The following TECR variants were observed in gnomAD, a reference collection of about 807,000 sequenced individuals.
TECR encodes the protein trans-2,3-enoyl-CoA reductase, also known as very-long-chain enoyl-CoA reductase.
A neutral mutation model predicts 50.6 loss-of-function variants in TECR; 19 were observed. The ratio of observed to expected loss-of-function variants is 0.38; its 90% CI spans 0.26 to 0.55. The LOEUF is 0.55. Ranked by LOEUF, TECR falls within the 20% of genes least tolerant of loss-of-function variation. TECR has a pLI of 0.79. For missense variants in TECR, 313 were observed against 408.3 expected (o/e 0.77, Z 2.01); for synonymous variants, 168 against 163.5 (o/e 1.03, Z -0.21).
At chr19:14,543,034 C>A (rs963478388) in intron 1 of TECR, among the ~76,000 whole-genome samples, 5 of 146,936 alleles carry the variant, frequency 3.4e-5, no homozygotes, top group Non-Finnish European at 7.5e-5. Context: ...GGATCACTGG[C>A]CAGAGCGTGG....
chr19:14,535,582 A>ATG (rs1568396691), intron 1 of TECR, among the ~76,000 whole-genome samples: 2 of 38,824 alleles, frequency 5.2e-5, no homozygotes, highest in African/African-American at 7.9e-5. Flanking sequence ...ATATATATAT[A>ATG]TATATATGTA....
chr19:14,565,966 C>T lies in TECR; in HGVS notation c.*95C>T, dbSNP rs1449643510. The T allele has an allele frequency of 1.3e-6, 2 of 1,549,780 alleles. No homozygotes were observed. The highest frequency in any genetic ancestry group is 1.7e-6 in the Non-Finnish European group (2 of 1,147,772). On this transcript the variant is annotated 3_prime_UTR_variant, in exon 13 of 13. Transcript: ENST00000215567. Reference sequence around the variant, plus strand: ...TCTCCAGCACCCGGAATAAAGCCCGCCTGCCCCAGTCGGACTCGGGCTCTG... The same window carrying T: ...TCTCCAGCACCCGGAATAAAGCCCGTCTGCCCCAGTCGGACTCGGGCTCTG...
At chr19:14,552,941 G>C (rs4926128) in intron 1 of TECR, among the ~76,000 whole-genome samples, 150,930 of 152,054 alleles carry the variant, frequency 0.99, 74,908 homozygotes, top group Middle Eastern at 1. Context: ...TGAAACGGGC[G>C]AGATCAGCGT....
chr19:14,535,586 A>ATATATATGTATG (rs2072867981), intron 1 of TECR, among the ~76,000 whole-genome samples: 1 of 41,074 alleles, frequency 2.4e-5, no homozygotes, highest in Admixed American at 2.8e-4. Flanking sequence ...ATATATATAT[A>ATATATATGTATG]TATGTATGTA....
At chr19:14,561,963 A>C in intron 1 of TECR, 2 of 202,728 alleles carry the variant, frequency 9.9e-6, no homozygotes, top group Non-Finnish European at 2.0e-5. Context: ...TCCTCTAGCC[A>C]CTGGCTCTGT....
In TECR at chr19:14,543,728, G is replaced by A. The variant is rs1488447337; in HGVS notation, c.15+14017G>A. Among the ~76,000 whole-genome samples, 2 of 148,742 alleles carry A rather than the reference G, an allele frequency of 1.3e-5. 1 individual carries two copies. Among genetic ancestry groups the A allele is most frequent in the South Asian group, 4.2e-4 (2 of 4,706 alleles). On this transcript the variant is annotated intron_variant, in intron 1 of 12. Coordinates refer to ENST00000215567, the MANE Select transcript of TECR (RefSeq NM_138501.6). ...GCTGGGATTACAGGCGTGAGCCACC[G>A]CGCCCGGCTATATATATATTTTTAA...
At chr19:14,529,812 G>GGAA in intron 1 of TECR, 101 bp downstream of exon 1, 1 of 1,561,256 alleles carries the variant, frequency 6.4e-7, no homozygotes, top group African/African-American at 1.4e-5. Flanking sequence ...GTGCCCCGAA[G>GGAA]GAAGAGCCAG....
Position 14,551,029 on chromosome 19 carries a change from A to G in TECR, c.16-11496A>G, listed in dbSNP as rs1269666224. Among the ~76,000 whole-genome samples the G allele has an allele frequency of 2.0e-5, 3 of 151,974 alleles. No individual in the cohort carries two copies. The East Asian group carries it at 5.8e-4, about 30-fold the overall frequency. On this transcript the variant is annotated intron_variant, in intron 1 of 12. Transcript: ENST00000215567. ...TTATTAAGTCCACCTTAAATTCAGG[A>G]TAATGTCATCTTAAGATCCTTAATT...
At chr19:14,540,675 A>G (rs2073067968) in intron 1 of TECR, among the ~76,000 whole-genome samples, 5 of 151,930 alleles carry the variant, frequency 3.3e-5, no homozygotes. Flanking sequence ...TACAGGCATG[A>G]GCCACCGTGC....
chr19:14,533,132 A>G (rs2072735266), intron 1 of TECR, among the ~76,000 whole-genome samples: 2 of 142,464 alleles, frequency 1.4e-5, no homozygotes, highest in South Asian at 2.2e-4. Flanking sequence ...AATAAAGGAT[A>G]TATTTCAGCT....
chr19:14,549,260 T>TG lies in TECR; in HGVS notation c.16-13261dup, dbSNP rs566176092. The stretch of plus-strand genomic sequence containing the variant: ...ATGGAGTCTCACTCTGTCGCCAGGC[T>TG]GGGGTGCAGTGGTGCGATCTCAGCT... On this transcript the variant is annotated intron_variant, in intron 1 of 12. Coordinates refer to ENST00000215567, the MANE Select transcript of TECR (RefSeq NM_138501.6). Among the ~76,000 whole-genome samples, 5 of 142,178 alleles carry TG rather than the reference T, an allele frequency of 3.5e-5. No homozygotes were observed. The South Asian group carries it at 1.2e-3, about 34-fold the overall frequency. 93.3% of individuals were successfully genotyped at this position (142,178 alleles called of 152,430 possible). A position where few individuals can be genotyped will look rare whatever the true frequency, so the allele number is the denominator to read the frequency against.
intron 1 of TECR, among the ~76,000 whole-genome samples, chr19:14,556,235 T>G (rs2073716666): frequency 6.6e-6 from 1 of 152,112 alleles, no homozygotes; most frequent in South Asian, 2.1e-4. Flanking sequence ...TGGCACTTAC[T>G]GTTCCCTCTG....
At position 14,564,853 on chromosome 19, in the gene TECR, C is replaced by T. The variant is rs2074026577; in HGVS notation, c.557C>T (p.Pro186Leu). The change falls in exon 8 of 13, where the codon CCC (proline) becomes CTC (leucine). Residue 186 changes from proline to leucine, a missense_variant. By Grantham distance (98) the Pro-to-Leu change is moderately conservative. Transcript: ENST00000215567. ...TACATCAATCACCCTCTCTACACTC[C>T]CCCTAGTAAGTGGCCTCAGACCATC... Reference protein sequence around the residue: ...AYYINHPLYTPPTYGAQQVKL... With the variant: ...AYYINHPLYTLPTYGAQQVKL... 2 of 1,613,876 alleles carry T rather than the reference C, an allele frequency of 1.2e-6. No individual in the cohort carries two copies. Among genetic ancestry groups the T allele is most frequent in the African/African-American group, 1.3e-5 (1 of 74,906 alleles).
At chr19:14,543,385 G>A (rs539329985) in intron 1 of TECR, among the ~76,000 whole-genome samples, 51 of 69,256 alleles carry the variant, frequency 7.4e-4, no homozygotes, top group African/African-American at 2.7e-3. Context: ...ACTTGTTTCA[G>A]AGAATATATA....
In TECR at chr19:14,539,140, A is replaced by ATT. The variant is rs57801378; in HGVS notation, c.15+9455_15+9456dup. On this transcript the variant is annotated intron_variant, in intron 1 of 12. Transcript: ENST00000215567. ...AGGCGCCCACCACCACGCCCGGCTAATTTTTTTTTTTTTTTTTTTTTTTTT... is the reference window on the plus strand; with the variant it reads ...AGGCGCCCACCACCACGCCCGGCTAATTTTTTTTTTTTTTTTTTTTTTTTTTT... Among the ~76,000 whole-genome samples, 72 of 92,542 alleles carry ATT rather than the reference A, an allele frequency of 7.8e-4. 2 individuals carry two copies. The highest frequency in any genetic ancestry group is 2.1e-3 in the East Asian group (7 of 3,372). The allele number at this position is 92,542 out of a possible 152,430, so 60.7% of individuals were successfully genotyped here.
chr19:14,562,396 A>C lies in TECR; in HGVS notation c.16-129A>C, dbSNP rs1043859787. The C allele has an allele frequency of 1.5e-5, 14 of 951,336 alleles. No individual in the cohort carries two copies. The East Asian group carries it at 3.6e-4, about 24-fold the overall frequency. The allele number at this position is 951,336 out of a possible 1,614,324, so 58.9% of individuals were successfully genotyped here. ...AGTGGCAGGGCTGGTGGCAGGCGGC[A>C]TGGACTTGAACTTGAGCTTGTTGGC... On this transcript the variant is annotated intron_variant, in intron 1 of 12. Coordinates refer to ENST00000215567, the MANE Select transcript of TECR (RefSeq NM_138501.6).
chr19:14,528,270 C>T (rs567257493), upstream of TECR, among the ~76,000 whole-genome samples: 4 of 143,002 alleles, frequency 2.8e-5, no homozygotes, highest in African/African-American at 5.3e-5. Flanking sequence ...TTTTTTGAGA[C>T]GGTCTGTTGC....
chr19:14,565,544 G>C, intron 11 of TECR, 74 bp from the exon 12 acceptor site: 1 of 1,557,932 alleles, frequency 6.4e-7, no homozygotes. Flanking sequence ...GCGGGAGGTG[G>C]CTGGCTGAGT....
At chr19:14,550,401 C>T (rs1016572663) in intron 1 of TECR, among the ~76,000 whole-genome samples, 1 of 152,146 alleles carries the variant, frequency 6.6e-6, no homozygotes, top group African/African-American at 2.4e-5. Flanking sequence ...TGGACTCGGG[C>T]AGTCGGGGGT....
Sources: allele counts gnomAD v4.1 joint callset (sites outside exome capture counted in the v4.1 genomes callset), GRCh38; gene constraint gnomAD v4.1.1; transcripts MANE v1.5; gene names NCBI Gene and HGNC (gene_info 2026-07-23, HGNC 2026-07-21).